POFUT3: variants seen among roughly 807,000 people sequenced by gnomAD.
POFUT3 encodes GDP-fucose protein O-fucosyltransferase 3.
chr8:33,472,030 A>C, the POFUT3 span, among the ~76,000 whole-genome samples: 1 of 152,198 alleles, frequency 6.6e-6, no homozygotes, highest in Non-Finnish European at 1.5e-5. Flanking sequence ...ATTTGAGACT[A>C]CGGTAGACCA....
At chr8:33,431,371 A>T in the POFUT3 span, among the ~76,000 whole-genome samples, 1 of 151,210 alleles carries the variant, frequency 6.6e-6, no homozygotes. Context: ...ATATGGTGAG[A>T]CCCAGTGTCT....
At chr8:33,401,932 C>T in the POFUT3 span, among the ~76,000 whole-genome samples, 1 of 152,042 alleles carries the variant, frequency 6.6e-6, no homozygotes, top group South Asian at 2.1e-4. Context: ...GAGGCTGAGA[C>T]ACAAGAATTG....
At chr8:33,444,292 G>C in the POFUT3 span, among the ~76,000 whole-genome samples, 1 of 152,086 alleles carries the variant, frequency 6.6e-6, no homozygotes, top group African/African-American at 2.4e-5. Context: ...ATGCACCCCA[G>C]TTGGAGCAAT....
At chr8:33,329,557 G>A in the POFUT3 span, among the ~76,000 whole-genome samples, 9 of 152,284 alleles carry the variant, frequency 5.9e-5, no homozygotes, top group East Asian at 1.2e-3. Flanking sequence ...ATACTGCAAA[G>A]GGAAAGTTAG....
chr8:33,313,561 C>T, the POFUT3 span, among the ~76,000 whole-genome samples: 188 of 151,834 alleles, frequency 1.2e-3, no homozygotes, highest in Non-Finnish European at 1.8e-3. Flanking sequence ...GTGAGCAACA[C>T]GGAATAAAAT....
chr8:33,458,369 A>G, the POFUT3 span, among the ~76,000 whole-genome samples: 3 of 152,146 alleles, frequency 2.0e-5, no homozygotes, highest in Non-Finnish European at 4.4e-5. Flanking sequence ...ATTTTTTTCT[A>G]TTTATCCTAT....
the POFUT3 span, chr8:33,461,374 G>A: frequency 6.2e-7 from 1 of 1,608,612 alleles, no homozygotes; most frequent in Non-Finnish European, 8.5e-7. Context: ...CTTGGTACCT[G>A]GAGTGTGACA....
the POFUT3 span, among the ~76,000 whole-genome samples, chr8:33,411,175 G>C: frequency 1.1e-4 from 16 of 152,292 alleles, no homozygotes; most frequent in South Asian, 3.3e-3. Context: ...GGTGAATGAC[G>C]TTATGAGAAA....
the POFUT3 span, among the ~76,000 whole-genome samples, chr8:33,406,363 C>T: frequency 6.6e-6 from 1 of 152,072 alleles, no homozygotes; most frequent in Non-Finnish European, 1.5e-5. Context: ...AAGGATAGCC[C>T]TTAATCTGAC....
chr8:33,405,254 C>G, the POFUT3 span, among the ~76,000 whole-genome samples: 1 of 151,906 alleles, frequency 6.6e-6, no homozygotes, highest in Non-Finnish European at 1.5e-5. Flanking sequence ...GATTGTGCCA[C>G]TGCACTCCAG....
At chr8:33,337,263 T>A in the POFUT3 span, among the ~76,000 whole-genome samples, 1 of 152,242 alleles carries the variant, frequency 6.6e-6, no homozygotes, top group Non-Finnish European at 1.5e-5. Flanking sequence ...TTTTAAATCA[T>A]CTAATCTAGT....
At chr8:33,423,834 AAAAAAAAAAAAG>A in the POFUT3 span, among the ~76,000 whole-genome samples, 1 of 146,484 alleles carries the variant, frequency 6.8e-6, no homozygotes, top group Non-Finnish European at 1.5e-5. Context: ...AAAAAAAAAA[AAAAAAAAAAAAG>A]AGCCATTACT....
chr8:33,338,063 T>A, the POFUT3 span, among the ~76,000 whole-genome samples: 4 of 152,194 alleles, frequency 2.6e-5, no homozygotes, highest in African/African-American at 9.7e-5. Flanking sequence ...CATGTCCTAA[T>A]CTCTTCTTAT....
the POFUT3 span, among the ~76,000 whole-genome samples, chr8:33,379,792 T>C: frequency 4.4e-5 from 6 of 136,824 alleles, no homozygotes; most frequent in East Asian, 6.3e-4. Flanking sequence ...GCTGAGATCA[T>C]ACCACTGCAC....
the POFUT3 span, among the ~76,000 whole-genome samples, chr8:33,428,029 C>T: frequency 3.9e-5 from 6 of 152,192 alleles, no homozygotes; most frequent in African/African-American, 1.4e-4. Context: ...GAGGCTGAGG[C>T]AGGAAAATCG....
chr8:33,328,448 G>A, the POFUT3 span, among the ~76,000 whole-genome samples: 3 of 152,254 alleles, frequency 2.0e-5, no homozygotes, highest in South Asian at 6.2e-4. Context: ...AAGGAAAACA[G>A]GTGGAAAACA....
chr8:33,318,485 A>C, the POFUT3 span, among the ~76,000 whole-genome samples: 4 of 128,852 alleles, frequency 3.1e-5, no homozygotes, highest in Admixed American at 9.7e-5. Context: ...TATAATATAT[A>C]ATGTACATAT....
At chr8:33,459,924 G>A in the POFUT3 span, among the ~76,000 whole-genome samples, 25 of 152,148 alleles carry the variant, frequency 1.6e-4, no homozygotes, top group Non-Finnish European at 2.4e-4. Flanking sequence ...GGCCAGGTGT[G>A]GTGGCTCATG....
the POFUT3 span, among the ~76,000 whole-genome samples, chr8:33,334,990 G>C: frequency 1.3e-5 from 2 of 152,160 alleles, no homozygotes; most frequent in Admixed American, 6.5e-5. Flanking sequence ...ATTGTCTTGG[G>C]AGCCGACTTT....
Sources: gnomAD v4.1 joint callset for allele counts (sites outside exome capture counted in the v4.1 genomes callset) on GRCh38, gnomAD v4.1.1 for gene constraint, MANE v1.5 for transcripts, NCBI Gene and HGNC (gene_info 2026-07-23, HGNC 2026-07-21) for gene names.